The following DIS3L2 variants were observed in gnomAD, a reference collection of about 807,000 sequenced individuals.
The protein encoded by DIS3L2 is DIS3 like 3'-5' exoribonuclease 2.
Under a neutral mutation model 97.5 loss-of-function variants are expected in DIS3L2, and 34 were observed. That is an observed-to-expected ratio of 0.35 (90% confidence interval 0.27 to 0.46). The LOEUF (loss-of-function observed/expected upper bound fraction) is 0.46. Ranked by LOEUF, DIS3L2 falls within the 20% of genes least tolerant of loss-of-function variation. The pLI is 1.00. For missense variants in DIS3L2, 1,038 were observed against 1,146.0 expected (o/e 0.91, Z 1.36); for synonymous variants, 435 against 445.2 (o/e 0.98, Z 0.29).
intron 14 of DIS3L2, among the ~76,000 whole-genome samples, chr2:232,304,406 G>A (rs1694936016): frequency 6.6e-6 from 1 of 152,210 alleles, no homozygotes; most frequent in African/African-American, 2.4e-5. Flanking sequence ...CCCAGTGCAT[G>A]CCCTCAGGGT....
At chr2:232,050,833 A>G (rs3116237) in intron 5 of DIS3L2, among the ~76,000 whole-genome samples, 118,390 of 152,214 alleles carry the variant, frequency 0.78, 46,665 homozygotes, top group African/African-American at 0.89. Flanking sequence ...TCAGATGTGT[A>G]GACAGAGAGC....
At chr2:232,040,690 A>C (rs911506671) in intron 5 of DIS3L2, among the ~76,000 whole-genome samples, 12 of 152,196 alleles carry the variant, frequency 7.9e-5, no homozygotes, top group African/African-American at 2.9e-4. Flanking sequence ...ACCGTGTACC[A>C]GGTACTGTGT....
At chr2:232,218,011 C>T (rs2106227962) in intron 10 of DIS3L2, among the ~76,000 whole-genome samples, 1 of 151,628 alleles carries the variant, frequency 6.6e-6, no homozygotes, top group Middle Eastern at 3.4e-3. Flanking sequence ...GGATATAGGG[C>T]AGGACCCCTT....
At chr2:232,315,962 C>T (rs932163861) in intron 14 of DIS3L2, among the ~76,000 whole-genome samples, 1 of 152,230 alleles carries the variant, frequency 6.6e-6, no homozygotes, top group African/African-American at 2.4e-5. Flanking sequence ...GTCCACCCTC[C>T]AAGCCCGGGT....
At chr2:232,299,008 C>T (rs556958394) in intron 13 of DIS3L2, among the ~76,000 whole-genome samples, 5 of 152,350 alleles carry the variant, frequency 3.3e-5, no homozygotes, top group African/African-American at 1.2e-4. Context: ...AAACCTTTGA[C>T]TCCCTATCAG....
At chr2:231,989,671 A>G (rs1185797112) in intron 1 of DIS3L2, among the ~76,000 whole-genome samples, 1 of 152,008 alleles carries the variant, frequency 6.6e-6, no homozygotes, top group Non-Finnish European at 1.5e-5. Context: ...TTGTCTCTAC[A>G]AAAAAGTAGA....
chr2:232,032,431 T>C (rs2106242543), intron 5 of DIS3L2, among the ~76,000 whole-genome samples: 2 of 152,362 alleles, frequency 1.3e-5, no homozygotes, highest in South Asian at 4.1e-4. Context: ...ATTGCAAAAA[T>C]TTTTTCCCAT....
chr2:232,126,732 G>A (rs1698072318), intron 6 of DIS3L2, among the ~76,000 whole-genome samples: 1 of 152,226 alleles, frequency 6.6e-6, no homozygotes, highest in Non-Finnish European at 1.5e-5. Flanking sequence ...GAAAGAAGAG[G>A]CTGGATAATT....
intron 1 of DIS3L2, among the ~76,000 whole-genome samples, chr2:232,006,484 AT>A (rs1467041506): frequency 4.6e-5 from 7 of 152,218 alleles, no homozygotes; most frequent in Admixed American, 1.3e-4. Flanking sequence ...GATGATAATG[AT>A]GTCATTAATC....
chr2:231,981,963 G>A (rs1443355191), intron 1 of DIS3L2, among the ~76,000 whole-genome samples: 1 of 151,712 alleles, frequency 6.6e-6, no homozygotes, highest in Non-Finnish European at 1.5e-5. Flanking sequence ...GAACCTGGGA[G>A]GCTGAGGTTG....
chr2:232,229,136 T>C (rs1398427395), intron 10 of DIS3L2, among the ~76,000 whole-genome samples: 1 of 152,236 alleles, frequency 6.6e-6, no homozygotes, highest in African/African-American at 2.4e-5. Context: ...TAACTGGATT[T>C]GTCCTTTTCA....
At chr2:231,972,277 A>G (rs1428555954) in intron 1 of DIS3L2, among the ~76,000 whole-genome samples, 2 of 152,246 alleles carry the variant, frequency 1.3e-5, no homozygotes, top group Non-Finnish European at 2.9e-5. Flanking sequence ...AAGCAGTAAC[A>G]TAGCCACTTA....
At chr2:232,332,792 G>A (rs1199483708) in intron 16 of DIS3L2, among the ~76,000 whole-genome samples, 1 of 152,208 alleles carries the variant, frequency 6.6e-6, no homozygotes, top group Non-Finnish European at 1.5e-5. Flanking sequence ...GAGTATTGGC[G>A]AGCACAGAGG....
At chr2:232,233,896 C>G (rs1692864256) in intron 10 of DIS3L2, among the ~76,000 whole-genome samples, 1 of 152,206 alleles carries the variant, frequency 6.6e-6, no homozygotes, top group Admixed American at 6.5e-5. Flanking sequence ...TCAGGCCCTG[C>G]TACAAGTGGT....
chr2:232,058,517 G>A (rs764816884), intron 5 of DIS3L2, among the ~76,000 whole-genome samples: 2 of 152,038 alleles, frequency 1.3e-5, no homozygotes, highest in Admixed American at 6.5e-5. Context: ...GGAAAGATTC[G>A]GTTAGCCACA....
intron 1 of DIS3L2, among the ~76,000 whole-genome samples, chr2:231,968,092 A>T (rs1348126268): frequency 6.6e-6 from 1 of 151,054 alleles, no homozygotes; most frequent in Non-Finnish European, 1.5e-5. Context: ...TATCCCAGAT[A>T]ACTGATTTTT....
In DIS3L2 at chr2:232,276,668, G is replaced by A. The variant is rs938337750; in HGVS notation, c.1659+13228G>A. Among the ~76,000 whole-genome samples, 1 of 152,148 alleles carries A rather than the reference G, an allele frequency of 6.6e-6. No homozygotes were observed. Among genetic ancestry groups the A allele is most frequent in the East Asian group, 1.9e-4 (1 of 5,196 alleles). The stretch of plus-strand genomic sequence containing the variant: ...GACTGTTTATTTGAACATCTCCTGC[G>A]CAACAAGAGAATGTAGTGATCAAGA... On this transcript the variant is annotated intron_variant, in intron 13 of 20. Coordinates refer to ENST00000325385, the MANE Select transcript of DIS3L2 (RefSeq NM_152383.5). This position sits in a 1 kb window ranked among gnomAD's most constrained non-coding sequence, Gnocchi z 4.4.
At chr2:232,317,423 C>T (rs1695305935) in intron 14 of DIS3L2, among the ~76,000 whole-genome samples, 1 of 152,070 alleles carries the variant, frequency 6.6e-6, no homozygotes, top group African/African-American at 2.4e-5. Context: ...TCCTAACATT[C>T]TTCTATTTTG....
At position 232,269,780 on chromosome 2, in the gene DIS3L2, C is replaced by A. The variant is rs573890632; in HGVS notation, c.1659+6340C>A. On this transcript the variant is annotated intron_variant, in intron 13 of 20. Transcript: ENST00000325385. This position sits in a 1 kb window ranked among gnomAD's most constrained non-coding sequence, Gnocchi z 4.5. The stretch of plus-strand genomic sequence containing the variant: ...AGAGAGAGAGAGGAGCTAGAGGAGA[C>A]ACAGGCTAGGCCTTGGAGTCTGTAG... Among the ~76,000 whole-genome samples, 1 of 151,912 alleles carries A rather than the reference C, an allele frequency of 6.6e-6. No individual in the cohort carries two copies. Among genetic ancestry groups the A allele is most frequent in the Admixed American group, 6.5e-5 (1 of 15,268 alleles).
Sources: gnomAD v4.1 joint callset for allele counts (sites outside exome capture counted in the v4.1 genomes callset) on GRCh38, gnomAD v4.1.1 for gene constraint, Gnocchi (gnomAD v3.1) non-coding constraint, MANE v1.5 for transcripts, NCBI Gene and HGNC (gene_info 2026-07-23, HGNC 2026-07-21) for gene names.